GRK1: variants seen among roughly 807,000 people sequenced by gnomAD.
GRK1 encodes the protein G protein-coupled receptor kinase 1.
A neutral mutation model predicts 41.7 loss-of-function variants in GRK1; 28 were observed. The observed-to-expected ratio is 0.67, with a 90% CI of 0.50 to 0.92. The LOEUF (loss-of-function observed/expected upper bound fraction) is 0.92, where lower values mean the gene tolerates loss of function less well. Ranked by LOEUF, GRK1 falls within the 40% of genes least tolerant of loss-of-function variation. The pLI, the probability that GRK1 is intolerant of heterozygous loss-of-function variation, is 0.00. For synonymous variants in GRK1, 327 were observed against 286.7 expected (o/e 1.14, Z -1.42); for missense variants, 703 against 671.2 (o/e 1.05, Z -0.52).
chr13:113,654,912 T>C, the GRK1 span: 3 of 1,614,030 alleles, frequency 1.9e-6, no homozygotes, highest in African/African-American at 1.3e-5. Flanking sequence ...CATCACCACG[T>C]AGAAGGCCAC....
At chr13:113,661,759 C>CA in the GRK1 span, among the ~76,000 whole-genome samples, 1 of 152,174 alleles carries the variant, frequency 6.6e-6, no homozygotes, top group Non-Finnish European at 1.5e-5. Flanking sequence ...GCTGCTTCAT[C>CA]AAAAATCACA....
chr13:113,730,792 G>A (rs1307727918), intron 4 of GRK1, among the ~76,000 whole-genome samples: 1 of 152,246 alleles, frequency 6.6e-6, no homozygotes, highest in Non-Finnish European at 1.5e-5. Context: ...CCTCTCCAAC[G>A]TGGTTCCCAG....
At chr13:113,669,554 G>A (rs994453494) in intron 1 of GRK1, 133 bp from the exon 2 acceptor site, 7 of 1,034,098 alleles carry the variant, frequency 6.8e-6, no homozygotes, top group African/African-American at 4.7e-5. Flanking sequence ...TTTGTGAAAG[G>A]CGCATTTAAA....
In GRK1 at chr13:113,731,477, G is replaced by A; in HGVS notation, c.1194+134G>A. ...TGGGCCCTGGGGTGGGGAGGGCACA[G>A]ATTCACGTGCTGGGGTCTTGCTCCT... On this transcript the variant is annotated intron_variant, in intron 5 of 6. Transcript: ENST00000335678. This position sits in a 1 kb window ranked among gnomAD's most constrained non-coding sequence, Gnocchi z 5.6. 1 of 1,285,008 alleles carries A rather than the reference G, an allele frequency of 7.8e-7. No individual in the cohort carries two copies. Among genetic ancestry groups the A allele is most frequent in the South Asian group, 1.5e-5 (1 of 68,228 alleles). 79.6% of individuals were successfully genotyped at this position (1,285,008 alleles called of 1,614,324 possible).
chr13:113,668,920 A>G (rs1038204797), intron 1 of GRK1, among the ~76,000 whole-genome samples: 5 of 152,258 alleles, frequency 3.3e-5, no homozygotes, highest in African/African-American at 1.2e-4. Flanking sequence ...AGGTGCTCAC[A>G]GCGCTGGGCG....
intron 4 of GRK1, among the ~76,000 whole-genome samples, chr13:113,726,793 C>T (rs1234163509): frequency 6.6e-6 from 1 of 152,192 alleles, no homozygotes; most frequent in African/African-American, 2.4e-5. Context: ...CAGTTCCTCC[C>T]CGGAGTCTGG....
intron 4 of GRK1, among the ~76,000 whole-genome samples, chr13:113,724,858 G>T (rs1701326078): frequency 6.6e-6 from 1 of 152,348 alleles, no homozygotes; most frequent in East Asian, 1.9e-4. Context: ...GGGTGTGAGC[G>T]CGTGGGTGGA....
chr13:113,729,776 G>A (rs1376963042), intron 4 of GRK1, among the ~76,000 whole-genome samples: 8 of 151,890 alleles, frequency 5.3e-5, no homozygotes, highest in African/African-American at 1.5e-4. Context: ...AGTCCCTGCG[G>A]CTGTGCCCAG....
chr13:113,734,027 C>T (rs535739830), intron 6 of GRK1, among the ~76,000 whole-genome samples: 11,365 of 132,082 alleles, frequency 0.086, 1,631 homozygotes, highest in African/African-American at 0.31. Flanking sequence ...TGTGTGCGTG[C>T]GTGTGCGTAT....
At chr13:113,655,918 C>A in the GRK1 span, among the ~76,000 whole-genome samples, 1 of 152,238 alleles carries the variant, frequency 6.6e-6, no homozygotes, top group Non-Finnish European at 1.5e-5. Context: ...GGCCTGTGGA[C>A]TGCCTGCCCT....
In GRK1 at chr13:113,671,876, A is replaced by G. The variant is rs1445874897; in HGVS notation, c.985+220A>G. On this transcript the variant is annotated intron_variant, in intron 3 of 6. Coordinates refer to ENST00000335678, the MANE Select transcript of GRK1 (RefSeq NM_002929.3). This position sits in a 1 kb window ranked among gnomAD's most constrained non-coding sequence, Gnocchi z 4.1. Reference sequence around the variant, plus strand: ...GGTGCAGAACCAGCTGGGAACGGCGAGTCTGTTACGCCCAGTCCCCACCTT... The same window carrying G: ...GGTGCAGAACCAGCTGGGAACGGCGGGTCTGTTACGCCCAGTCCCCACCTT... 6.6e-6 allele frequency among the ~76,000 whole-genome samples: 1 copy of G among 152,044 alleles called. No homozygotes were observed. Among genetic ancestry groups the G allele is most frequent in the Non-Finnish European group, 1.5e-5 (1 of 67,986 alleles).
chr13:113,655,019 C>T, the GRK1 span: 13 of 1,557,784 alleles, frequency 8.3e-6, no homozygotes, highest in Admixed American at 5.3e-5. Context: ...TGAGCGCGTC[C>T]GTGATGTGGC....
chr13:113,656,451 C>T, the GRK1 span, among the ~76,000 whole-genome samples: 67 of 152,290 alleles, frequency 4.4e-4, no homozygotes, highest in East Asian at 0.012. Context: ...CGGGTAGGAG[C>T]CCGAGGTTGG....
chr13:113,653,071 G>C, the GRK1 span: 1 of 1,606,984 alleles, frequency 6.2e-7, no homozygotes, highest in Non-Finnish European at 8.5e-7. Flanking sequence ...CTGGAGAGTA[G>C]CCTGCAGACG....
chr13:113,662,927 G>GAT (rs2049798508), upstream of GRK1, among the ~76,000 whole-genome samples: 2 of 152,194 alleles, frequency 1.3e-5, no homozygotes, highest in African/African-American at 4.8e-5. Flanking sequence ...GTTTTTGGTA[G>GAT]ATATATACAA....
chr13:113,671,083 G>A lies in GRK1; in HGVS notation c.828-416G>A, dbSNP rs1401320528. Among the ~76,000 whole-genome samples, 2 of 152,236 alleles carry A rather than the reference G, an allele frequency of 1.3e-5. No homozygotes were observed. Among genetic ancestry groups the A allele is most frequent in the African/African-American group, 2.4e-5 (1 of 41,466 alleles). On this transcript the variant is annotated intron_variant, in intron 2 of 6. Transcript: ENST00000335678. The surrounding 1 kb of genome is among the most constrained non-coding windows in gnomAD (Gnocchi z 4.1). ...GTCCGTGGAAAACATAAGAGATGAT[G>A]TTCTATGGGGGAGGAAAGAGGCTGA...
At chr13:113,658,051 G>T in the GRK1 span, 2 of 1,605,474 alleles carry the variant, frequency 1.2e-6, no homozygotes, top group Non-Finnish European at 1.7e-6. Flanking sequence ...GACAGGGTGC[G>T]GCCCAGCATC....
chr13:113,733,592 TGTGC>T (rs1338449497), intron 6 of GRK1, among the ~76,000 whole-genome samples: 1 of 151,160 alleles, frequency 6.6e-6, no homozygotes, highest in African/African-American at 2.4e-5. Context: ...CATACGTGTG[TGTGC>T]ATGTGTGCGC....
chr13:113,659,698 G>A, the GRK1 span, among the ~76,000 whole-genome samples: 2 of 152,104 alleles, frequency 1.3e-5, no homozygotes, highest in African/African-American at 4.8e-5. Context: ...CTCCCAAAGT[G>A]TTAGGATTAC....
Sources: gnomAD v4.1 joint callset for allele counts (sites outside exome capture counted in the v4.1 genomes callset) on GRCh38, gnomAD v4.1.1 for gene constraint, Gnocchi (gnomAD v3.1) non-coding constraint, MANE v1.5 for transcripts, NCBI Gene and HGNC (gene_info 2026-07-23, HGNC 2026-07-21) for gene names.